Variants in SIMC1 observed in about 807,000 individuals in gnomAD.
The protein encoded by SIMC1 is SUMO interacting motifs containing 1.
In SIMC1, 55 loss-of-function variants were observed where a neutral mutation model predicts 82.3. That is an observed-to-expected ratio of 0.67 (90% CI 0.54 to 0.84). SIMC1 has a LOEUF of 0.84. SIMC1 is among the 40% of genes least tolerant of loss of function. The pLI, the probability that SIMC1 is intolerant of heterozygous loss-of-function variation, is 0.00. For synonymous variants in SIMC1, 353 were observed against 426.3 expected, an observed-to-expected ratio of 0.83 and a Z score of 2.12; for missense variants, 915 against 1,107.2, an observed-to-expected ratio of 0.83 and a Z score of 2.46.
Position 176,276,702 on chromosome 5 carries a change from G to GT in SIMC1, c.130-12946dup, listed in dbSNP as rs1219009146. On this transcript the variant is annotated intron_variant, in intron 1 of 9. Coordinates refer to ENST00000429602, the MANE Select transcript of SIMC1 (RefSeq NM_001308195.2). ...TATGAGTGAGAATATGCGGTGTTTGGTTTTTTGTTCTTGCGATAGTTTACT... is the reference window on the plus strand; with the variant it reads ...TATGAGTGAGAATATGCGGTGTTTGGTTTTTTTGTTCTTGCGATAGTTTACT... Among the ~76,000 whole-genome samples, 22 of 142,416 alleles carry GT rather than the reference G, an allele frequency of 1.5e-4. 1 individual carries two copies. Among genetic ancestry groups the GT allele is most frequent in the Non-Finnish European group, 1.7e-4 (11 of 65,182 alleles). 93.4% of individuals were successfully genotyped at this position (142,416 alleles called of 152,430 possible).
At position 176,308,913 on chromosome 5, in the gene SIMC1, T is replaced by C; in HGVS notation, c.1735-4778T>C. The C allele has an allele frequency of 3.1e-6, 4 of 1,299,960 alleles. No homozygotes were observed. In the South Asian group the frequency reaches 4.7e-5, roughly 15 times the overall value. The allele number at this position is 1,299,960 out of a possible 1,614,324, so 80.5% of individuals were successfully genotyped here. ...ATGTCAGCAGTCAGCGGGCCTCTTCTACAGTGGTTGGAGGACAGACTGGAG... is the reference window on the plus strand; with the variant it reads ...ATGTCAGCAGTCAGCGGGCCTCTTCCACAGTGGTTGGAGGACAGACTGGAG... On this transcript the variant is annotated intron_variant, in intron 4 of 9. Transcript: ENST00000429602.
At chr5:176,256,207 A>C (rs1761847086) in intron 1 of SIMC1, among the ~76,000 whole-genome samples, 1 of 152,234 alleles carries the variant, frequency 6.6e-6, no homozygotes, top group Admixed American at 6.5e-5. Context: ...AATTAGGTCA[A>C]AATCTCTTGC....
At chr5:176,286,504 T>C (rs182149048) in intron 1 of SIMC1, among the ~76,000 whole-genome samples, 2 of 152,348 alleles carry the variant, frequency 1.3e-5, no homozygotes, top group Admixed American at 6.5e-5. Flanking sequence ...GATTAAAGAC[T>C]TAAATGTTAG....
chr5:176,331,705 A>G (rs1030696222), intron 7 of SIMC1, among the ~76,000 whole-genome samples: 9 of 151,162 alleles, frequency 6.0e-5, no homozygotes, highest in Non-Finnish European at 1.3e-4. Flanking sequence ...CAGTTGGCTC[A>G]TGCCTGTGAT....
chr5:176,307,648 C>A (rs1764484696), intron 4 of SIMC1, among the ~76,000 whole-genome samples: 1 of 152,158 alleles, frequency 6.6e-6, no homozygotes, highest in South Asian at 2.1e-4. Context: ...GATCCACCTG[C>A]CTCGGCCTCC....
chr5:176,333,417 G>A (rs958575691), intron 7 of SIMC1, among the ~76,000 whole-genome samples: 1 of 151,920 alleles, frequency 6.6e-6, no homozygotes, highest in African/African-American at 2.4e-5. Flanking sequence ...AGGTTGTGGG[G>A]TTTTTTTGGT....
chr5:176,291,770 G>A (rs1160175335), intron 2 of SIMC1, among the ~76,000 whole-genome samples: 1 of 152,148 alleles, frequency 6.6e-6, no homozygotes, highest in Non-Finnish European at 1.5e-5. Context: ...GAGCCACCGC[G>A]CCCAGCAGGG....
In SIMC1 at chr5:176,305,877, G is replaced by A. The variant is rs1489102330; in HGVS notation, c.1735-7814G>A. On this transcript the variant is annotated intron_variant, in intron 4 of 9. Coordinates refer to ENST00000429602, the MANE Select transcript of SIMC1 (RefSeq NM_001308195.2). ...GTGGGGGGGGTCAGCCCCCCTGCCC[G>A]GCCAGCCGCCCCGTCCGGGAGGTGA... Among the ~76,000 whole-genome samples, 5 of 77,836 alleles carry A rather than the reference G, an allele frequency of 6.4e-5. 1 individual carries two copies. Among genetic ancestry groups the A allele is most frequent in the African/African-American group, 1.1e-4 (2 of 18,780 alleles). 51.1% of individuals were successfully genotyped at this position (77,836 alleles called of 152,430 possible).
chr5:176,289,408 T>C (rs962344032), intron 1 of SIMC1, among the ~76,000 whole-genome samples: 2 of 149,292 alleles, frequency 1.3e-5, no homozygotes, highest in Non-Finnish European at 3.0e-5. Flanking sequence ...CTGTCCTCCT[T>C]GGACCAGAAA....
At chr5:176,321,317 C>G (rs1765147979) in intron 5 of SIMC1, among the ~76,000 whole-genome samples, 1 of 151,678 alleles carries the variant, frequency 6.6e-6, no homozygotes, top group Non-Finnish European at 1.5e-5. Context: ...CATATTCATA[C>G]TCATATCCTT....
In SIMC1 at chr5:176,323,943, G is replaced by A. The variant is rs964028211; in HGVS notation, c.2043-686G>A. Among the ~76,000 whole-genome samples the A allele has an allele frequency of 8.0e-5, 12 of 150,398 alleles. No homozygotes were observed. In the East Asian group the frequency reaches 1.2e-3, roughly 15 times the overall value. ...GCGGAGCTGGCAGTGAGCCAAGATC[G>A]CGCCACAGCACTCCAGCCTGGGCGA... On this transcript the variant is annotated intron_variant, in intron 6 of 9. Transcript: ENST00000429602.
At position 176,345,866 on chromosome 5, in the gene SIMC1, T is replaced by A. The variant is rs1313317817; in HGVS notation, c.*421T>A. On this transcript the variant is annotated 3_prime_UTR_variant, in exon 10 of 10. Coordinates refer to ENST00000429602, the MANE Select transcript of SIMC1 (RefSeq NM_001308195.2). ...CCCTAATGAAATGCAAGCATTCTGT[T>A]AGACCTATTATATTGCCTGTTAATT... 1 of 152,434 alleles carries A rather than the reference T, an allele frequency of 6.6e-6. No individual in the cohort carries two copies. The highest frequency in any genetic ancestry group is 1.9e-4 in the East Asian group (1 of 5,212). The allele number at this position is 152,434 out of a possible 1,614,324, so 9.4% of individuals were successfully genotyped here.
At chr5:176,262,640 A>G (rs1467715812) in intron 1 of SIMC1, among the ~76,000 whole-genome samples, 4 of 152,196 alleles carry the variant, frequency 2.6e-5, no homozygotes, top group Admixed American at 6.5e-5. Flanking sequence ...TCTCGTCGCT[A>G]CTAAAAATAT....
chr5:176,284,120 A>T (rs750436619), intron 1 of SIMC1, among the ~76,000 whole-genome samples: 6 of 152,194 alleles, frequency 3.9e-5, no homozygotes, highest in Non-Finnish European at 7.3e-5. Context: ...GATCAATGAG[A>T]TAGAAAGTCA....
At chr5:176,248,521 G>T (rs1454994192) in intron 1 of SIMC1, among the ~76,000 whole-genome samples, 3 of 152,058 alleles carry the variant, frequency 2.0e-5, no homozygotes, top group Admixed American at 2.0e-4. Context: ...AGACGATAGT[G>T]TTTCTAAATA....
At chr5:176,247,389 G>A (rs1413995056) in intron 1 of SIMC1, among the ~76,000 whole-genome samples, 1 of 151,992 alleles carries the variant, frequency 6.6e-6, no homozygotes, top group Non-Finnish European at 1.5e-5. Flanking sequence ...TATGTTTGTG[G>A]GCCGCGTAAA....
chr5:176,252,628 C>T (rs1479694949), intron 1 of SIMC1, among the ~76,000 whole-genome samples: 8 of 150,228 alleles, frequency 5.3e-5, no homozygotes, highest in Middle Eastern at 3.4e-3. Context: ...GGATGGCGGC[C>T]GGGCAGAGAC....
At chr5:176,333,451 T>C (rs1268997823) in intron 7 of SIMC1, among the ~76,000 whole-genome samples, 1 of 152,052 alleles carries the variant, frequency 6.6e-6, no homozygotes, top group African/African-American at 2.4e-5. Flanking sequence ...TTGTTTGAGA[T>C]AGGGTCTCAC....
chr5:176,306,289 G>A (rs1349354238), intron 4 of SIMC1, among the ~76,000 whole-genome samples: 3 of 132,112 alleles, frequency 2.3e-5, no homozygotes, highest in Non-Finnish European at 5.1e-5. Context: ...GGAGGGAGGT[G>A]GGGGGGTCAG....
Sources: allele counts gnomAD v4.1 joint callset (sites outside exome capture counted in the v4.1 genomes callset), GRCh38; gene constraint gnomAD v4.1.1; transcripts MANE v1.5; gene names NCBI Gene and HGNC (gene_info 2026-07-23, HGNC 2026-07-21).